IL1RAPL2: variants seen among roughly 807,000 people sequenced by gnomAD.
IL1RAPL2 encodes interleukin 1 receptor accessory protein like 2.
IL1RAPL2 carries 3 observed loss-of-function variants against 44.1 expected under a neutral mutation model. The ratio of observed to expected loss-of-function variants is 0.07; its 90% CI spans 0.03 to 0.18. The LOEUF is 0.18. IL1RAPL2 is among the 10% of genes least tolerant of loss of function. IL1RAPL2 has a pLI of 1.00. For missense variants in IL1RAPL2, 391 were observed against 496.4 expected, an observed-to-expected ratio of 0.79 and a Z score of 2.02; for synonymous variants, 181 against 178.8, an observed-to-expected ratio of 1.01 and a Z score of -0.10.
intron 2 of IL1RAPL2, among the ~76,000 whole-genome samples, chrX:104,990,689 G>C (rs1248213350): frequency 9.0e-6 from 1 of 111,110 alleles, no homozygotes; most frequent in Non-Finnish European, 1.9e-5. Flanking sequence ...AGAGAAGGAA[G>C]ACCTTTAAAA....
At chrX:104,942,597 T>G (rs900408905) in intron 2 of IL1RAPL2, among the ~76,000 whole-genome samples, 5 of 111,754 alleles carry the variant, frequency 4.5e-5, no homozygotes, top group African/African-American at 1.6e-4. Context: ...ATTTTGGGCT[T>G]AAATGATGGG....
chrX:104,963,300 C>G (rs1390116863), intron 2 of IL1RAPL2, among the ~76,000 whole-genome samples: 4 of 112,017 alleles, frequency 3.6e-5, no homozygotes, highest in Non-Finnish European at 5.6e-5. Flanking sequence ...TAAGGTAGTA[C>G]TTAATACTTA....
chrX:105,572,168 T>A (rs893193212), intron 6 of IL1RAPL2, among the ~76,000 whole-genome samples: 9 of 111,606 alleles, frequency 8.1e-5, no homozygotes, highest in African/African-American at 2.3e-4. Context: ...ATGTCCAATA[T>A]GTATTAAATT....
intron 2 of IL1RAPL2, among the ~76,000 whole-genome samples, chrX:104,785,236 A>G (rs1489229812): frequency 1.8e-5 from 2 of 111,227 alleles, no homozygotes; most frequent in African/African-American, 3.3e-5. Context: ...GACTGGTCTC[A>G]AACTCCTGGA....
chrX:105,684,679 G>C (rs777901015), intron 6 of IL1RAPL2, among the ~76,000 whole-genome samples: 8 of 112,237 alleles, frequency 7.1e-5, no homozygotes, highest in Non-Finnish European at 1.5e-4. Context: ...GAGAGCAGTG[G>C]TTCCCCCAGC....
chrX:105,290,370 C>T (rs1019458443), intron 5 of IL1RAPL2, among the ~76,000 whole-genome samples: 16 of 111,421 alleles, frequency 1.4e-4, no homozygotes, highest in African/African-American at 5.2e-4. Flanking sequence ...CAGAACTCAT[C>T]TTGGGTGTAG....
At chrX:104,795,208 C>T (rs1453489795) in intron 2 of IL1RAPL2, among the ~76,000 whole-genome samples, 2 of 111,313 alleles carry the variant, frequency 1.8e-5, no homozygotes, top group Admixed American at 1.9e-4. Context: ...TATGCCTTCT[C>T]AGACTGGCTA....
chrX:105,648,865 T>C (rs978399355), intron 6 of IL1RAPL2, among the ~76,000 whole-genome samples: 2 of 111,154 alleles, frequency 1.8e-5, no homozygotes, highest in African/African-American at 6.5e-5. Context: ...AGGGCAAGGT[T>C]ACCAGTGCAC....
chrX:105,033,688 G>C (rs958470907), intron 2 of IL1RAPL2, among the ~76,000 whole-genome samples: 4 of 110,941 alleles, frequency 3.6e-5, no homozygotes, highest in African/African-American at 1.3e-4. Context: ...TGGTGAATCT[G>C]ACAATTATAT....
At chrX:104,946,603 C>T (rs1326857207) in intron 2 of IL1RAPL2, among the ~76,000 whole-genome samples, 3 of 79,922 alleles carry the variant, frequency 3.8e-5, no homozygotes, top group Non-Finnish European at 6.8e-5. Flanking sequence ...GTGTGATGGT[C>T]CCCTTCCTGT....
intron 6 of IL1RAPL2, among the ~76,000 whole-genome samples, chrX:105,485,790 G>A (rs1023196473): frequency 5.4e-5 from 6 of 111,789 alleles, no homozygotes; most frequent in African/African-American, 9.8e-5. Flanking sequence ...ACTGGACCTC[G>A]TTCTTTTTTA....
At chrX:105,729,057 TG>T (rs2038377515) in intron 7 of IL1RAPL2, among the ~76,000 whole-genome samples, 1 of 111,356 alleles carries the variant, frequency 9.0e-6, no homozygotes, top group Admixed American at 9.6e-5. Context: ...TGTGGCTTGA[TG>T]GTTAATTTCT....
At chrX:104,678,460 T>C (rs1379626003) in intron 2 of IL1RAPL2, among the ~76,000 whole-genome samples, 1 of 111,959 alleles carries the variant, frequency 8.9e-6, no homozygotes, top group Non-Finnish European at 1.9e-5. Flanking sequence ...CATGCTTCTA[T>C]TGGCTACGTC....
At chrX:104,792,317 A>C (rs1482546508) in intron 2 of IL1RAPL2, among the ~76,000 whole-genome samples, 3 of 111,029 alleles carry the variant, frequency 2.7e-5, no homozygotes, top group African/African-American at 9.8e-5. Flanking sequence ...AATTAGTAGC[A>C]AGGGCAGGAT....
chrX:104,614,103 T>C (rs1415737355), intron 1 of IL1RAPL2, among the ~76,000 whole-genome samples: 1 of 111,674 alleles, frequency 9.0e-6, no homozygotes, highest in Non-Finnish European at 1.9e-5. Context: ...CTAATCTAGC[T>C]AGCAGGCTAT....
At chrX:104,863,470 A>C (rs1030029194) in intron 2 of IL1RAPL2, among the ~76,000 whole-genome samples, 1 of 112,241 alleles carries the variant, frequency 8.9e-6, no homozygotes, top group African/African-American at 3.2e-5. Flanking sequence ...AAAAGTTGCT[A>C]CTACCAATGC....
chrX:105,706,485 G>C (rs978494423), intron 6 of IL1RAPL2, among the ~76,000 whole-genome samples: 1 of 111,564 alleles, frequency 9.0e-6, no homozygotes, highest in African/African-American at 3.3e-5. Context: ...GTGTAAACTA[G>C]CAAGGCTGAG....
At chrX:105,147,811 C>G (rs1046921037) in intron 2 of IL1RAPL2, among the ~76,000 whole-genome samples, 1 of 111,308 alleles carries the variant, frequency 9.0e-6, no homozygotes, top group African/African-American at 3.3e-5. Flanking sequence ...TATTCATGTA[C>G]AAGTTTTTAT....
intron 5 of IL1RAPL2, among the ~76,000 whole-genome samples, chrX:105,342,604 C>A (rs1160136561): frequency 9.0e-6 from 1 of 111,668 alleles, no homozygotes; most frequent in Non-Finnish European, 1.9e-5. Context: ...GAAGAGAGAA[C>A]CTCAGAGCAA....
Sources: allele counts gnomAD v4.1 joint callset (sites outside exome capture counted in the v4.1 genomes callset), GRCh38; gene constraint gnomAD v4.1.1; transcripts MANE v1.5; gene names NCBI Gene and HGNC (gene_info 2026-07-23, HGNC 2026-07-21).